LDB2: variants seen among roughly 807,000 people sequenced by gnomAD.
The protein encoded by LDB2 is LIM domain-binding protein 2.
A neutral mutation model predicts 44.3 loss-of-function variants in LDB2; 12 were observed. The observed-to-expected ratio is 0.27, with a 90% CI of 0.17 to 0.44. The LOEUF (loss-of-function observed/expected upper bound fraction) is 0.44. Among genes scored for constraint, LDB2 ranks in the 20% least tolerant of loss-of-function variants. The probability of loss-of-function intolerance (pLI) is 1.00; values close to 1 mark genes in which losing one functional copy is unlikely to be tolerated. For synonymous variants in LDB2, 164 were observed against 174.8 expected, an observed-to-expected ratio of 0.94 and a Z score of 0.49; for missense variants, 344 against 473.5, an observed-to-expected ratio of 0.73 and a Z score of 2.54.
intron 2 of LDB2, chr4:16,741,305 T>C (rs1579239968): frequency 2.0e-5 from 3 of 152,358 alleles, no homozygotes; most frequent in South Asian, 2.1e-4. Flanking sequence ...CTAGCAAGTA[T>C]AGTGCCAGGT....
intron 5 of LDB2, among the ~76,000 whole-genome samples, chr4:16,572,855 T>TC (rs1367793275): frequency 6.6e-6 from 1 of 152,158 alleles, no homozygotes; most frequent in Non-Finnish European, 1.5e-5. Context: ...CTCTGCCTCC[T>TC]CTCAGATGGG....
intron 1 of LDB2, among the ~76,000 whole-genome samples, chr4:16,875,515 T>A (rs1402809167): frequency 1.3e-5 from 2 of 152,220 alleles, no homozygotes; most frequent in East Asian, 3.8e-4. Context: ...AAATTATTTT[T>A]AAAAATCAAC....
At chr4:16,611,594 A>T (rs1725646195) in intron 2 of LDB2, among the ~76,000 whole-genome samples, 1 of 152,160 alleles carries the variant, frequency 6.6e-6, no homozygotes, top group South Asian at 2.1e-4. Context: ...CTTTAAACCA[A>T]CAAAGGTCAA....
intron 1 of LDB2, among the ~76,000 whole-genome samples, chr4:16,849,279 C>T (rs1167066016): frequency 1.3e-5 from 2 of 152,142 alleles, no homozygotes; most frequent in African/African-American, 4.8e-5. Context: ...CTGTGACCAC[C>T]CCAACTAAAG....
At chr4:16,783,962 G>T (rs1773860220) in intron 1 of LDB2, among the ~76,000 whole-genome samples, 1 of 152,092 alleles carries the variant, frequency 6.6e-6, no homozygotes, top group Non-Finnish European at 1.5e-5. Flanking sequence ...TATTACTGAA[G>T]AATCACTTTT....
chr4:16,595,688 G>T lies in LDB2; in HGVS notation c.408+15C>A. The T allele has an allele frequency of 1.2e-6, 2 of 1,609,334 alleles. No individual in the cohort carries two copies. Among genetic ancestry groups the T allele is most frequent in the Non-Finnish European group, 1.7e-6 (2 of 1,177,904 alleles). ...AGTAGGAAAAGCCGGGCATGTGACA[G>T]AGCCTGTCCTGTACCTTGGTAAACA... is the stretch of plus-strand genomic sequence containing the variant. On this transcript the variant is annotated intron_variant, in intron 3 of 7. Transcript: ENST00000304523.
intron 5 of LDB2, among the ~76,000 whole-genome samples, chr4:16,549,735 T>A (rs978833380): frequency 6.6e-6 from 1 of 152,236 alleles, no homozygotes; most frequent in African/African-American, 2.4e-5. Flanking sequence ...TTAGAGAAGT[T>A]ACTTCCTCAT....
chr4:16,633,634 C>T (rs1266888820), intron 2 of LDB2, among the ~76,000 whole-genome samples: 1 of 152,168 alleles, frequency 6.6e-6, no homozygotes, highest in African/African-American at 2.4e-5. Context: ...AATGGAAAAA[C>T]ATTCCATGCT....
chr4:16,847,293 A>T (rs543774154), intron 1 of LDB2, among the ~76,000 whole-genome samples: 1 of 152,336 alleles, frequency 6.6e-6, no homozygotes, highest in Non-Finnish European at 1.5e-5. Flanking sequence ...TTTAACAGGG[A>T]CCAGAATGTG....
At chr4:16,738,203 G>T (rs1317968837) in intron 2 of LDB2, among the ~76,000 whole-genome samples, 2 of 152,140 alleles carry the variant, frequency 1.3e-5, no homozygotes, top group Non-Finnish European at 2.9e-5. Flanking sequence ...CTAAAAATGG[G>T]ACGTCTCAAG....
At chr4:16,546,330 TGTGAATTGGCCCCCTACCACG>T (rs1316742540) in intron 5 of LDB2, among the ~76,000 whole-genome samples, 2 of 152,212 alleles carry the variant, frequency 1.3e-5, no homozygotes, top group Non-Finnish European at 2.9e-5. Context: ...AATTCTAAAA[TGTGAATTGGCCCCCTACCACG>T]TAAAACTAAT....
At chr4:16,580,670 G>A (rs1365340213) in intron 5 of LDB2, among the ~76,000 whole-genome samples, 2 of 152,166 alleles carry the variant, frequency 1.3e-5, no homozygotes, top group Non-Finnish European at 2.9e-5. Flanking sequence ...GTAGACAACT[G>A]TATAAAGCAA....
At chr4:16,688,975 G>A (rs1412259274) in intron 2 of LDB2, among the ~76,000 whole-genome samples, 2 of 152,180 alleles carry the variant, frequency 1.3e-5, no homozygotes, top group Non-Finnish European at 2.9e-5. Flanking sequence ...TTCAAACAGA[G>A]GGAATATAAT....
At chr4:16,820,629 C>T (rs1217903960) in intron 1 of LDB2, among the ~76,000 whole-genome samples, 1 of 152,150 alleles carries the variant, frequency 6.6e-6, no homozygotes, top group Non-Finnish European at 1.5e-5. Flanking sequence ...GGAAATACGC[C>T]TGGCATGTTC....
chr4:16,718,114 G>A (rs1308802699), intron 2 of LDB2, among the ~76,000 whole-genome samples: 2 of 151,908 alleles, frequency 1.3e-5, no homozygotes, highest in Non-Finnish European at 2.9e-5. Flanking sequence ...ATTGGTGGGG[G>A]GTAGAGTATT....
At chr4:16,594,533 G>A (rs145620078) in intron 3 of LDB2, among the ~76,000 whole-genome samples, 35 of 152,306 alleles carry the variant, frequency 2.3e-4, no homozygotes, top group Admixed American at 1.0e-3. Flanking sequence ...TTAAGATGCC[G>A]TAGAATTAAT....
intron 2 of LDB2, among the ~76,000 whole-genome samples, chr4:16,656,190 G>A (rs1291854398): frequency 2.0e-5 from 3 of 152,098 alleles, no homozygotes; most frequent in East Asian, 1.9e-4. Context: ...GTGAGCCACC[G>A]CACCTGGCCC....
chr4:16,822,079 A>G (rs1485666940), intron 1 of LDB2, among the ~76,000 whole-genome samples: 1 of 151,378 alleles, frequency 6.6e-6, no homozygotes, highest in Non-Finnish European at 1.5e-5. Context: ...CATTTGTAAA[A>G]TGGACATCAA....
intron 2 of LDB2, among the ~76,000 whole-genome samples, chr4:16,651,787 T>C (rs1464798542): frequency 6.6e-6 from 1 of 152,142 alleles, no homozygotes; most frequent in Non-Finnish European, 1.5e-5. Flanking sequence ...TCCCTTCCAA[T>C]AGACTTGGTC....
Sources: allele counts gnomAD v4.1 joint callset (sites outside exome capture counted in the v4.1 genomes callset), GRCh38; gene constraint gnomAD v4.1.1; transcripts MANE v1.5; gene names NCBI Gene and HGNC (gene_info 2026-07-23, HGNC 2026-07-21).